RORA: variants seen among roughly 807,000 people sequenced by gnomAD.
RORA encodes nuclear receptor ROR-alpha.
In RORA, 7 loss-of-function variants were observed where a neutral mutation model predicts 69.5. The observed-to-expected ratio is 0.10, with a 90% CI of 0.06 to 0.19. The LOEUF (loss-of-function observed/expected upper bound fraction) is 0.19. Among genes scored for constraint, RORA ranks in the 10% least tolerant of loss-of-function variants. RORA has a pLI of 1.00. For missense variants in RORA, 457 were observed against 663.0 expected (o/e 0.69, Z 3.41); for synonymous variants, 261 against 240.8 (o/e 1.08, Z -0.78).
chr15:60,507,946 A>G (rs17191442), intron 5 of RORA, among the ~76,000 whole-genome samples: 11,567 of 152,238 alleles, frequency 0.076, 503 homozygotes, highest in Middle Eastern at 0.12. Flanking sequence ...AGCCAATAAA[A>G]AGTGAGACAA....
chr15:61,109,523 T>C (rs1036179818), intron 1 of RORA, among the ~76,000 whole-genome samples: 4 of 152,170 alleles, frequency 2.6e-5, no homozygotes, highest in Non-Finnish European at 5.9e-5. Flanking sequence ...ATCCAGCCCA[T>C]CTTGTTTTCA....
At chr15:60,957,060 A>G (rs1219904811) in intron 1 of RORA, among the ~76,000 whole-genome samples, 1 of 152,204 alleles carries the variant, frequency 6.6e-6, no homozygotes, top group Non-Finnish European at 1.5e-5. Context: ...CCATTCATTC[A>G]CTCATTCATT....
At chr15:60,813,571 T>C (rs1225762129) in intron 1 of RORA, among the ~76,000 whole-genome samples, 3 of 152,188 alleles carry the variant, frequency 2.0e-5, no homozygotes, top group Non-Finnish European at 4.4e-5. Context: ...CCCCACTTAA[T>C]TGTAACCTTT....
intron 2 of RORA, among the ~76,000 whole-genome samples, chr15:60,591,932 C>T (rs1238278514): frequency 6.6e-6 from 1 of 152,008 alleles, no homozygotes; most frequent in Non-Finnish European, 1.5e-5. Context: ...CGACAACGCG[C>T]ACGCACGGCC....
intron 1 of RORA, among the ~76,000 whole-genome samples, chr15:61,108,933 T>TCA (rs1456058331): frequency 1.3e-5 from 2 of 152,164 alleles, no homozygotes. Context: ...GCACCGTGGC[T>TCA]CACACCTGTA....
intron 1 of RORA, among the ~76,000 whole-genome samples, chr15:61,052,484 T>C (rs1344033406): frequency 1.3e-5 from 2 of 152,224 alleles, no homozygotes; most frequent in Non-Finnish European, 2.9e-5. Context: ...AAGTAAGCTA[T>C]GGCTATGTGT....
intron 9 of RORA, 120 bp downstream of exon 9, chr15:60,500,839 G>A: frequency 1.8e-6 from 1 of 567,426 alleles, no homozygotes; most frequent in South Asian, 2.6e-5. Context: ...ATTTAATAAG[G>A]GTGGAGACCT....
chr15:60,750,417 T>G (rs1595684088), intron 1 of RORA, among the ~76,000 whole-genome samples: 2 of 152,386 alleles, frequency 1.3e-5, no homozygotes, highest in African/African-American at 4.8e-5. Context: ...GATAATTTTC[T>G]TTAGAAAACA....
intron 1 of RORA, among the ~76,000 whole-genome samples, chr15:60,941,890 G>T (rs1177225869): frequency 8.5e-6 from 1 of 118,070 alleles, no homozygotes; most frequent in Non-Finnish European, 1.8e-5. Flanking sequence ...CACTGCTGTT[G>T]TTACCAAGAA....
intron 2 of RORA, among the ~76,000 whole-genome samples, chr15:60,628,983 T>C (rs2069662410): frequency 6.6e-6 from 1 of 152,108 alleles, no homozygotes; most frequent in Non-Finnish European, 1.5e-5. Context: ...TAGGATCTGC[T>C]CACATGCTGA....
intron 1 of RORA, among the ~76,000 whole-genome samples, chr15:60,936,541 C>A (rs1225315807): frequency 6.6e-6 from 1 of 152,202 alleles, no homozygotes; most frequent in Non-Finnish European, 1.5e-5. Context: ...CCTCGGCATC[C>A]TCTCCATCAC....
At chr15:60,522,633 A>G (rs1178278211) in intron 3 of RORA, among the ~76,000 whole-genome samples, 1 of 151,838 alleles carries the variant, frequency 6.6e-6, no homozygotes. Context: ...AGCCAGGTGT[A>G]GTGGCATGTG....
At chr15:60,956,103 T>C (rs184599599) in intron 1 of RORA, among the ~76,000 whole-genome samples, 8 of 152,356 alleles carry the variant, frequency 5.3e-5, no homozygotes, top group Admixed American at 3.3e-4. Flanking sequence ...GGCAAGCAGA[T>C]TCTCTTGCTG....
At chr15:61,122,536 A>G (rs2079112885) in intron 1 of RORA, among the ~76,000 whole-genome samples, 3 of 152,214 alleles carry the variant, frequency 2.0e-5, no homozygotes, top group Non-Finnish European at 4.4e-5. Flanking sequence ...TTTACATTTT[A>G]TATATGGCTG....
intron 6 of RORA, among the ~76,000 whole-genome samples, chr15:60,504,998 T>C (rs566842955): frequency 6.6e-6 from 1 of 152,334 alleles, no homozygotes; most frequent in Admixed American, 6.5e-5. Context: ...CTGGGTGTTT[T>C]ACAGAAAAAG....
chr15:60,938,704 C>T (rs1003901555), intron 1 of RORA, among the ~76,000 whole-genome samples: 5 of 151,704 alleles, frequency 3.3e-5, no homozygotes, highest in African/African-American at 1.2e-4. Flanking sequence ...AGTCTGACAC[C>T]AGCCTAGTCA....
chr15:60,899,668 C>T (rs1205771429), intron 1 of RORA, among the ~76,000 whole-genome samples: 1 of 152,168 alleles, frequency 6.6e-6, no homozygotes, highest in Non-Finnish European at 1.5e-5. Context: ...GCCTTTTCAC[C>T]ACAAGTAGCA....
intron 2 of RORA, among the ~76,000 whole-genome samples, chr15:60,570,302 T>C (rs1393197631): frequency 6.6e-6 from 1 of 152,082 alleles, no homozygotes; most frequent in Non-Finnish European, 1.5e-5. Context: ...CTTAAAACCA[T>C]GGACAGTATT....
At chr15:60,847,977 C>G (rs920702729) in intron 1 of RORA, 4 of 152,286 alleles carry the variant, frequency 2.6e-5, no homozygotes, top group Non-Finnish European at 4.4e-5. Context: ...CCACTGCACT[C>G]AGAATGAAAT....
Sources: allele counts gnomAD v4.1 joint callset (sites outside exome capture counted in the v4.1 genomes callset), GRCh38; gene constraint gnomAD v4.1.1; transcripts MANE v1.5; gene names NCBI Gene and HGNC (gene_info 2026-07-23, HGNC 2026-07-21).